NCOA3: variants seen among roughly 807,000 people sequenced by gnomAD.
The protein encoded by NCOA3 is CBP-interacting protein.
A neutral mutation model predicts 158.8 loss-of-function variants in NCOA3; 51 were observed. The ratio of observed to expected loss-of-function variants is 0.32; its 90% CI spans 0.26 to 0.41. The LOEUF is 0.41. Ranked by LOEUF, NCOA3 falls within the 10% of genes least tolerant of loss-of-function variation. The pLI is 1.00. For missense variants in NCOA3, 1,510 were observed against 1,746.6 expected (o/e 0.86, Z 2.41); for synonymous variants, 537 against 592.4 (o/e 0.91, Z 1.36).
intron 1 of NCOA3, among the ~76,000 whole-genome samples, chr20:47,566,987 T>C (rs2085204870): frequency 6.6e-6 from 1 of 151,174 alleles, no homozygotes; most frequent in South Asian, 2.1e-4. Context: ...GTACTATTAG[T>C]ACTAACAGTT....
rs563545481 is a variant in NCOA3, at chr20:47,591,065, G to A, written c.-20+7804G>A. ...GCAGAGGCTGCAGTGAGCCGAGATC[G>A]CACCATTGCATTCCAGCCTGGGAAA... On this transcript the variant is annotated intron_variant, in intron 2 of 22. Transcript: ENST00000371998. Among the ~76,000 whole-genome samples, 21 of 152,196 alleles carry A rather than the reference G, an allele frequency of 1.4e-4. No homozygotes were observed. The South Asian group carries it at 2.1e-3, about 15-fold the overall frequency.
At chr20:47,588,038 TC>T (rs2085563322) in intron 2 of NCOA3, among the ~76,000 whole-genome samples, 1 of 151,982 alleles carries the variant, frequency 6.6e-6, no homozygotes, top group Non-Finnish European at 1.5e-5. Context: ...TGTCTATAAT[TC>T]TTCTCCACCT....
intron 1 of NCOA3, among the ~76,000 whole-genome samples, chr20:47,512,398 G>A (rs950058653): frequency 4.6e-5 from 7 of 151,594 alleles, no homozygotes; most frequent in Admixed American, 3.3e-4. Flanking sequence ...GTGAGACACC[G>A]TCTCTACTGA....
chr20:47,616,478 C>T (rs1490732780), intron 2 of NCOA3, among the ~76,000 whole-genome samples: 1 of 152,056 alleles, frequency 6.6e-6, no homozygotes, highest in African/African-American at 2.4e-5. Context: ...CAGGCGTGAG[C>T]CACCCCGCCC....
At chr20:47,574,962 A>G (rs2085349982) in intron 1 of NCOA3, among the ~76,000 whole-genome samples, 1 of 152,232 alleles carries the variant, frequency 6.6e-6, no homozygotes, top group Non-Finnish European at 1.5e-5. Context: ...TTAAGTATTA[A>G]GGAATGGAAA....
chr20:47,636,240 T>C lies in NCOA3; in HGVS notation c.1854T>C (p.His618=). Residue 618 remains histidine, a synonymous_variant, in exon 12 of 23, where the codon CAT becomes CAC. Coordinates refer to ENST00000371998, the MANE Select transcript of NCOA3 (RefSeq NM_181659.3). ...NQRGPLESKG[H]KKLLQLLTCS... is the part of the protein sequence containing the mutation. ...GGGGTCCTTTGGAAAGCAAAGGTCATAAAAAATTACTGCAGTTACTTACCT... is the reference window on the plus strand; with the variant it reads ...GGGGTCCTTTGGAAAGCAAAGGTCACAAAAAATTACTGCAGTTACTTACCT... 1 of 1,614,142 alleles carries C rather than the reference T, an allele frequency of 6.2e-7. No homozygotes were observed. Among genetic ancestry groups the C allele is most frequent in the Non-Finnish European group, 8.5e-7 (1 of 1,180,008 alleles).
intron 1 of NCOA3, among the ~76,000 whole-genome samples, chr20:47,568,552 T>TG (rs2085237824): frequency 6.6e-6 from 1 of 152,162 alleles, no homozygotes; most frequent in African/African-American, 2.4e-5. Context: ...TCCCAGCACT[T>TG]GGGGAAGCTA....
chr20:47,621,434 A>G (rs1320583459), intron 2 of NCOA3, among the ~76,000 whole-genome samples: 1 of 152,126 alleles, frequency 6.6e-6, no homozygotes, highest in Non-Finnish European at 1.5e-5. Context: ...ATTTTAATAT[A>G]TAAAAATTAG....
intron 13 of NCOA3, 33 bp from the exon 14 acceptor site, chr20:47,638,975 C>T (rs774656118): frequency 2.0e-5 from 31 of 1,512,258 alleles, no homozygotes; most frequent in South Asian, 9.1e-5. Flanking sequence ...TATTAAATCA[C>T]GAAGAAATGT....
At chr20:47,637,581 GATGGGTATGTTTATAC>G in intron 12 of NCOA3, 51 bp from the exon 13 acceptor site, 3 of 1,245,238 alleles carry the variant, frequency 2.4e-6, no homozygotes, top group Middle Eastern at 2.0e-4. Flanking sequence ...CATTTTTTCT[GATGGGTATGTTTATAC>G]CTGTGTGTCT....
chr20:47,625,301 C>G lies in NCOA3; in HGVS notation c.257-80C>G, dbSNP rs1305265214. 5.5e-6 allele frequency: 5 copies of G among 902,708 alleles called. No individual in the cohort carries two copies. In the East Asian group the frequency reaches 7.4e-5, roughly 13 times the overall value. 55.9% of individuals were successfully genotyped at this position (902,708 alleles called of 1,614,324 possible). ...GGCATGTGCATGTGTATCTTTATGT[C>G]TCTTCTGGGGACTATTCGAAGGTGA... On this transcript the variant is annotated intron_variant, in intron 4 of 22. Transcript: ENST00000371998.
intron 4 of NCOA3, among the ~76,000 whole-genome samples, chr20:47,624,931 C>A (rs1408637786): frequency 2.6e-5 from 4 of 152,106 alleles, no homozygotes. Flanking sequence ...TGCCACCACG[C>A]CCAGCTAAGT....
rs186271606 is a variant in NCOA3 at position 47,624,725 on chromosome 20, A to C, written c.256+642A>C. On this transcript the variant is annotated intron_variant, in intron 4 of 22. Coordinates refer to ENST00000371998, the MANE Select transcript of NCOA3 (RefSeq NM_181659.3). ...GAGACTACAACTGATGGAGGCTAGC[A>C]AGTATGGGAATAGACAAATGTGTTG... is the stretch of plus-strand genomic sequence containing the variant. Among the ~76,000 whole-genome samples, 661 of 152,266 alleles carry C rather than the reference A, an allele frequency of 4.3e-3. 6 individuals carry two copies. Among genetic ancestry groups the C allele is most frequent in the African/African-American group, 0.015 (629 of 41,544 alleles).
chr20:47,528,312 C>G (rs1423289543), intron 1 of NCOA3, among the ~76,000 whole-genome samples: 2 of 152,098 alleles, frequency 1.3e-5, no homozygotes, highest in African/African-American at 2.4e-5. Flanking sequence ...ATGTTAAATA[C>G]TTTTAAATGG....
At chr20:47,549,445 A>G (rs1276940247) in intron 1 of NCOA3, among the ~76,000 whole-genome samples, 1 of 151,658 alleles carries the variant, frequency 6.6e-6, no homozygotes, top group East Asian at 2.0e-4. Context: ...CTGCGGTCCC[A>G]GCTACCCGGA....
At chr20:47,565,347 C>T (rs2085175819) in intron 1 of NCOA3, among the ~76,000 whole-genome samples, 1 of 152,114 alleles carries the variant, frequency 6.6e-6, no homozygotes, top group South Asian at 2.1e-4. Flanking sequence ...ATGGCTTTCC[C>T]TTATCCAGAG....
At chr20:47,511,599 A>G (rs1430331873) in intron 1 of NCOA3, among the ~76,000 whole-genome samples, 2 of 102,782 alleles carry the variant, frequency 1.9e-5, no homozygotes, top group South Asian at 7.3e-4. Context: ...CACCCAGGCT[A>G]GAATGCACTG....
At position 47,522,099 on chromosome 20, in the gene NCOA3, C is replaced by CTTTTTTTTTTTTTTT. The variant is rs772811888; in HGVS notation, c.-99+20089_-99+20103dup. 1.3e-4 allele frequency among the ~76,000 whole-genome samples: 10 copies of CTTTTTTTTTTTTTTT among 76,836 alleles called. 1 individual carries two copies. Among genetic ancestry groups the CTTTTTTTTTTTTTTT allele is most frequent in the African/African-American group, 3.1e-4 (6 of 19,076 alleles). 50.4% of individuals were successfully genotyped at this position (76,836 alleles called of 152,430 possible). ...GTTTTGTAGTTACCATTGTACAGAT[C>CTTTTTTTTTTTTTTT]TTTTTTTTTTTTTTTTTTTTTTTGA... On this transcript the variant is annotated intron_variant, in intron 1 of 22. Coordinates refer to ENST00000371998, the MANE Select transcript of NCOA3 (RefSeq NM_181659.3).
At chr20:47,623,016 T>TATAA (rs1179584868) in intron 3 of NCOA3, 2 of 152,248 alleles carry the variant, frequency 1.3e-5, no homozygotes, top group African/African-American at 4.8e-5. Context: ...GCCTGACAGT[T>TATAA]ATAAGTAAGA....
Sources: gnomAD v4.1 joint callset for allele counts (sites outside exome capture counted in the v4.1 genomes callset) on GRCh38, gnomAD v4.1.1 for gene constraint, MANE v1.5 for transcripts, NCBI Gene and HGNC (gene_info 2026-07-23, HGNC 2026-07-21) for gene names.